UBE2R2: variants seen among roughly 807,000 people sequenced by gnomAD.
UBE2R2 encodes ubiquitin-conjugating enzyme E2 R2.
In UBE2R2, 1 loss-of-function variant was observed where a neutral mutation model predicts 27.8. That is an observed-to-expected ratio of 0.04 (90% CI 0.01 to 0.17). UBE2R2 has a LOEUF of 0.17. Among genes scored for constraint, UBE2R2 ranks in the 10% least tolerant of loss-of-function variants. The pLI is 1.00. For synonymous variants in UBE2R2, 106 were observed against 113.3 expected, an observed-to-expected ratio of 0.94 and a Z score of 0.41; for missense variants, 100 against 291.0, an observed-to-expected ratio of 0.34 and a Z score of 4.78.
chr9:33,914,265 A>G (rs892633443), intron 4 of UBE2R2, among the ~76,000 whole-genome samples: 3 of 152,272 alleles, frequency 2.0e-5, no homozygotes, highest in African/African-American at 4.8e-5. Flanking sequence ...CCTAGCAGAG[A>G]TAATTCCTTA....
chr9:33,862,540 T>C (rs1465581183), intron 1 of UBE2R2, among the ~76,000 whole-genome samples: 1 of 152,160 alleles, frequency 6.6e-6, no homozygotes, highest in Non-Finnish European at 1.5e-5. Flanking sequence ...TTCCCACTAG[T>C]ATGCACAAAA....
intron 1 of UBE2R2, among the ~76,000 whole-genome samples, chr9:33,829,149 T>A (rs1242930748): frequency 6.6e-6 from 1 of 152,166 alleles, no homozygotes; most frequent in African/African-American, 2.4e-5. Context: ...ATTATAGTTG[T>A]GAGCCACCGC....
chr9:33,868,153 G>A (rs1053425958), intron 1 of UBE2R2, among the ~76,000 whole-genome samples: 6 of 152,130 alleles, frequency 3.9e-5, no homozygotes, highest in East Asian at 3.9e-4. Context: ...GCCCCTCTCC[G>A]AAGCCGCACT....
rs756946426 is a variant in UBE2R2 at position 33,916,297 on chromosome 9, C to T, written c.498-721C>T. Among the ~76,000 whole-genome samples the T allele has an allele frequency of 5.3e-5, 8 of 152,100 alleles. No homozygotes were observed. In the East Asian group the frequency reaches 5.8e-4, roughly 11 times the overall value. Reference sequence around the variant, plus strand: ...TGGAGGTTGCAGTGGGCCGAGATCACGCCGCTGCACTCCAGCCTGGGTGAC... The same window carrying T: ...TGGAGGTTGCAGTGGGCCGAGATCATGCCGCTGCACTCCAGCCTGGGTGAC... On this transcript the variant is annotated intron_variant, in intron 4 of 4. Transcript: ENST00000263228.
intron 1 of UBE2R2, among the ~76,000 whole-genome samples, chr9:33,858,218 G>A (rs1260398178): frequency 6.6e-6 from 1 of 152,134 alleles, no homozygotes; most frequent in Non-Finnish European, 1.5e-5. Context: ...GAGTAAGTTA[G>A]ATTCCGAAAG....
intron 1 of UBE2R2, among the ~76,000 whole-genome samples, chr9:33,848,606 T>C (rs1289577472): frequency 7.3e-6 from 1 of 136,136 alleles, no homozygotes; most frequent in Non-Finnish European, 1.6e-5. Context: ...CTATAAAATC[T>C]TTTTTTTTTT....
chr9:33,857,006 C>T (rs993734943), intron 1 of UBE2R2, among the ~76,000 whole-genome samples: 5 of 149,418 alleles, frequency 3.3e-5, no homozygotes, highest in African/African-American at 1.2e-4. Context: ...AAGTGATTCT[C>T]CTGCCTTAGC....
chr9:33,916,909 G>A, intron 4 of UBE2R2, 109 bp from the exon 5 acceptor site: 1 of 1,474,618 alleles, frequency 6.8e-7, no homozygotes. Context: ...GGCAGGTACT[G>A]AAGTTTGGAG....
chr9:33,861,972 G>C (rs1821249105), intron 1 of UBE2R2, among the ~76,000 whole-genome samples: 1 of 149,982 alleles, frequency 6.7e-6, no homozygotes, highest in Non-Finnish European at 1.5e-5. Context: ...TCCTGCCTCA[G>C]CCTCCCATGT....
intron 1 of UBE2R2, among the ~76,000 whole-genome samples, chr9:33,843,042 CTTTTTTTT>C (rs71506139): frequency 8.5e-5 from 9 of 105,292 alleles, no homozygotes; most frequent in East Asian, 5.5e-4. Context: ...AAACAGACCA[CTTTTTTTT>C]TTTTTTTTTT....
In UBE2R2 at chr9:33,920,348, ATCTG is replaced by A. The variant is rs1323374150; in HGVS notation, c.*3115_*3118del. Reference sequence around the variant, plus strand: ...TGGTTTATTTTGTCTTTTTCTGCCCATCTGTCTACTAATAAAATGTGAAATAAAA... The same window carrying A: ...TGGTTTATTTTGTCTTTTTCTGCCCATCTACTAATAAAATGTGAAATAAAA... On this transcript the variant is annotated 3_prime_UTR_variant, in exon 5 of 5. Transcript: ENST00000263228. 6.6e-6 allele frequency: 1 copy of A among 151,686 alleles called. No individual in the cohort carries two copies. The highest frequency in any genetic ancestry group is 1.5e-5 in the Non-Finnish European group (1 of 68,016). 9.4% of individuals were successfully genotyped at this position (151,686 alleles called of 1,614,324 possible).
intron 4 of UBE2R2, among the ~76,000 whole-genome samples, chr9:33,916,544 A>G (rs975229039): frequency 6.6e-6 from 1 of 152,202 alleles, no homozygotes; most frequent in South Asian, 2.1e-4. Flanking sequence ...TTATTCACAT[A>G]TGCAACCTTT....
intron 2 of UBE2R2, among the ~76,000 whole-genome samples, chr9:33,891,056 T>TTTTTTTTTTG (rs769911098): frequency 0.081 from 10,587 of 130,084 alleles, 675 homozygotes; most frequent in Non-Finnish European, 0.12. Context: ...TGTTTTTTTG[T>TTTTTTTTTTG]TTTTTTTTTT....
At chr9:33,846,984 A>C (rs1250770636) in intron 1 of UBE2R2, among the ~76,000 whole-genome samples, 2 of 135,140 alleles carry the variant, frequency 1.5e-5, no homozygotes, top group Non-Finnish European at 1.6e-5. Flanking sequence ...GCCTGAAAAC[A>C]TCTTTATTTT....
chr9:33,853,874 T>C (rs1396306817), intron 1 of UBE2R2, among the ~76,000 whole-genome samples: 1 of 151,752 alleles, frequency 6.6e-6, no homozygotes, highest in African/African-American at 2.4e-5. Flanking sequence ...AAAAAAATAT[T>C]TTGTGGAGTC....
chr9:33,891,709 T>G (rs1272543001), intron 2 of UBE2R2, among the ~76,000 whole-genome samples: 4 of 152,102 alleles, frequency 2.6e-5, no homozygotes, highest in Non-Finnish European at 5.9e-5. Context: ...ATTAAATAAA[T>G]GTATAGATAT....
chr9:33,831,709 A>G (rs1323334080), intron 1 of UBE2R2, among the ~76,000 whole-genome samples: 1 of 151,690 alleles, frequency 6.6e-6, no homozygotes, highest in Non-Finnish European at 1.5e-5. Flanking sequence ...GCCCAGGCTG[A>G]AGTGCAGAGG....
At chr9:33,828,592 C>T (rs1399976418) in intron 1 of UBE2R2, among the ~76,000 whole-genome samples, 1 of 151,786 alleles carries the variant, frequency 6.6e-6, no homozygotes, top group Non-Finnish European at 1.5e-5. Flanking sequence ...GATCAAGTCT[C>T]GCTCTGTTCC....
At chr9:33,868,616 C>G (rs190919943) in intron 1 of UBE2R2, 10 of 152,516 alleles carry the variant, frequency 6.6e-5, no homozygotes, top group African/African-American at 2.4e-4. Flanking sequence ...CTACACAACA[C>G]TCCCGCCTCA....
Sources: allele counts gnomAD v4.1 joint callset (sites outside exome capture counted in the v4.1 genomes callset), GRCh38; gene constraint gnomAD v4.1.1; transcripts MANE v1.5; gene names NCBI Gene and HGNC (gene_info 2026-07-23, HGNC 2026-07-21).